The following ASPSCR1 variants were observed in gnomAD, a reference collection of about 807,000 sequenced individuals.
ASPSCR1 encodes the protein ASPSCR1 tether for SLC2A4, UBX domain containing.
In ASPSCR1, 55 loss-of-function variants were observed where a neutral mutation model predicts 68.9. That is an observed-to-expected ratio of 0.80 (90% CI 0.64 to 1.00). ASPSCR1 has a LOEUF of 1.00. Among genes scored for constraint, ASPSCR1 ranks in the 50% least tolerant of loss-of-function variants. ASPSCR1 has a pLI of 0.00. For missense variants in ASPSCR1, 765 were observed against 762.2 expected (o/e 1.00, Z -0.04); for synonymous variants, 352 against 332.6 (o/e 1.06, Z -0.63).
chr17:82,003,182 G>A (rs1004248948), intron 7 of ASPSCR1, among the ~76,000 whole-genome samples: 5 of 152,224 alleles, frequency 3.3e-5, no homozygotes, highest in African/African-American at 4.8e-5. Flanking sequence ...ACAGTGGCTC[G>A]CACCTATAAT....
rs199809269 is a variant in ASPSCR1 at position 81,996,388 on chromosome 17, A to T, written c.507-32A>T. The stretch of plus-strand genomic sequence containing the variant: ...GGGTGAGCCGGGGGTAGGCACCACA[A>T]GGTGCTTCCCTTGTCCTCTGGCCCC... On this transcript the variant is annotated intron_variant, in intron 6 of 15. Coordinates refer to ENST00000306739, the MANE Select transcript of ASPSCR1 (RefSeq NM_024083.4). 642 of 1,545,818 alleles carry T rather than the reference A, an allele frequency of 4.2e-4. 3 individuals are homozygous for T. In the African/African-American group the frequency reaches 7.9e-3, roughly 19 times the overall value.
intron 8 of ASPSCR1, 28 bp downstream of exon 8, chr17:82,009,219 A>G: frequency 1.3e-6 from 2 of 1,575,384 alleles, no homozygotes; most frequent in Non-Finnish European, 1.7e-6. Flanking sequence ...GCCTCCCGGC[A>G]TCTTCGCGCC....
intron 2 of ASPSCR1, among the ~76,000 whole-genome samples, chr17:81,981,213 GGCT>G (rs2041785003): frequency 6.6e-6 from 1 of 152,040 alleles, no homozygotes; most frequent in African/African-American, 2.4e-5. Flanking sequence ...CTTTGGAAAG[GGCT>G]GCTTTCTGTT....
At position 81,985,541 on chromosome 17, in the gene ASPSCR1, G is replaced by A; in HGVS notation, c.308G>A (p.Arg103Lys). 6.2e-7 allele frequency: 1 copy of A among 1,614,084 alleles called. No individual in the cohort carries two copies. Among genetic ancestry groups the A allele is most frequent in the Admixed American group, 1.7e-5 (1 of 60,030 alleles). Residue 103 changes from arginine (R) to lysine (K), a missense_variant, in exon 4 of 16, where the codon AGG (arginine) becomes AAG (lysine). By Grantham distance (26) the Arg-to-Lys change is conservative. Coordinates refer to ENST00000306739, the MANE Select transcript of ASPSCR1 (RefSeq NM_024083.4). ...GCTTTGCAGCTGGACGATGGCTCGA[G>A]GTTGCAGGACTCTTTCTGTTCAGGC... ...RIALQLDDGS[R>K]LQDSFCSGQT...
chr17:81,992,281 T>C (rs2042195012), intron 4 of ASPSCR1, among the ~76,000 whole-genome samples: 1 of 152,058 alleles, frequency 6.6e-6, no homozygotes, highest in Non-Finnish European at 1.5e-5. Context: ...GGCGCTGGAA[T>C]TTCCCCCGGG....
Position 81,996,040 on chromosome 17 carries a change from C to G in ASPSCR1, c.481C>G (p.Leu161Val). The G allele has an allele frequency of 3.1e-6, 5 of 1,610,198 alleles. No individual in the cohort carries two copies. In the South Asian group the frequency reaches 4.4e-5, roughly 14 times the overall value. ...LRGTTLQSLG[L>V]TGGSATIRFV... is the part of the protein sequence containing the mutation. ...GGGCACGACGCTGCAGTCGCTGGGCCTGACCGGGGGCAGCGCCACCATCAG... is the reference window on the plus strand; with the variant it reads ...GGGCACGACGCTGCAGTCGCTGGGCGTGACCGGGGGCAGCGCCACCATCAG... The change falls in exon 6 of 16, where the codon CTG (leucine) becomes GTG (valine). Residue 161 changes from leucine (L) to valine (V), a missense_variant. By Grantham distance (32) the Leu-to-Val change is conservative. Coordinates refer to ENST00000306739, the MANE Select transcript of ASPSCR1 (RefSeq NM_024083.4).
In ASPSCR1 at chr17:81,977,774, G is replaced by A. The variant is rs756237541; in HGVS notation, c.102+26G>A. 5 of 1,213,346 alleles carry A rather than the reference G, an allele frequency of 4.1e-6. No homozygotes were observed. The African/African-American group carries it at 6.3e-5, about 15-fold the overall frequency. The allele number at this position is 1,213,346 out of a possible 1,614,324, so 75.2% of individuals were successfully genotyped here. A position where few individuals can be genotyped will look rare whatever the true frequency, so the allele number is the denominator to read the frequency against. On this transcript the variant is annotated intron_variant, in intron 1 of 15. Transcript: ENST00000306739. This position sits in a 1 kb window ranked among gnomAD's most constrained non-coding sequence, Gnocchi z 5.0. ...GTGCGGCCGCCCGCCCGGGGCGGAC[G>A]GGTAGGCGGGCGGGGGGCGCTGCGC...
rs752297999 is a variant in ASPSCR1 at position 82,016,523 on chromosome 17, G to A, written c.1401G>A (p.Pro467=). ...TGGTGCACTTGGGAGCCGAGGAGCC[G>A]GCAGGTGAGTGTCAGTGGTTGGGGC... ...AALVHLGAEE[P]AGVYLEPGLL... The change falls in exon 13 of 16, where the codon CCG becomes CCA. Residue 467 remains proline, a synonymous_variant. Coordinates refer to ENST00000306739, the MANE Select transcript of ASPSCR1 (RefSeq NM_024083.4). 6.5e-6 allele frequency: 10 copies of A among 1,549,140 alleles called. No individual in the cohort carries two copies. Among genetic ancestry groups the A allele is most frequent in the South Asian group, 1.2e-5 (1 of 84,046 alleles).
rs1198378041 is a variant in ASPSCR1 at position 81,977,863 on chromosome 17, G to A, written c.102+115G>A. The A allele has an allele frequency of 1.5e-5, 11 of 735,966 alleles. No homozygotes were observed. The highest frequency in any genetic ancestry group is 1.8e-6 in the Non-Finnish European group (1 of 551,112). 45.6% of individuals were successfully genotyped at this position (735,966 alleles called of 1,614,324 possible). A position where few individuals can be genotyped will look rare whatever the true frequency, so the allele number is the denominator to read the frequency against. Reference sequence around the variant, plus strand: ...GGGGCGGGGCCTCGGCGGCCAATGAGCGGCCTCCTGAGCGGCGGCCCCGCC... The same window carrying A: ...GGGGCGGGGCCTCGGCGGCCAATGAACGGCCTCCTGAGCGGCGGCCCCGCC... On this transcript the variant is annotated intron_variant, in intron 1 of 15. Transcript: ENST00000306739. This position sits in a 1 kb window ranked among gnomAD's most constrained non-coding sequence, Gnocchi z 5.0.
At chr17:81,991,442 G>C (rs1327639375) in intron 4 of ASPSCR1, among the ~76,000 whole-genome samples, 1 of 152,196 alleles carries the variant, frequency 6.6e-6, no homozygotes, top group South Asian at 2.1e-4. Context: ...GTAGGGATGG[G>C]CTGCTGGTGA....
In ASPSCR1 at chr17:82,011,534, C is replaced by T. The variant is rs370380394; in HGVS notation, c.1238-9C>T. ...AGAGCTGTCTGTATGTTCTTTTTCT[C>T]CTCTGCAGTGGGGGACTTGCGAGAC... On this transcript the variant is annotated splice_polypyrimidine_tract_variant and intron_variant, in intron 10 of 15. Transcript: ENST00000306739. 4.5e-5 allele frequency: 71 copies of T among 1,579,330 alleles called. No homozygotes were observed. The highest frequency in any genetic ancestry group is 4.3e-4 in the African/African-American group (31 of 71,994).
rs1008375666 is a variant in ASPSCR1, at chr17:81,983,482, G to T, written c.159-72G>T. 6.2e-6 allele frequency: 8 copies of T among 1,280,960 alleles called. No homozygotes were observed. Among genetic ancestry groups the T allele is most frequent in the Non-Finnish European group, 8.8e-6 (8 of 905,390 alleles). The allele number at this position is 1,280,960 out of a possible 1,614,324, so 79.3% of individuals were successfully genotyped here. ...GGCGGGGCGTGGATGGTGGGACGGG[G>T]ATGGCGGGGCGTGGATGGCAGGGCG... On this transcript the variant is annotated intron_variant, in intron 2 of 15. Coordinates refer to ENST00000306739, the MANE Select transcript of ASPSCR1 (RefSeq NM_024083.4). The surrounding 1 kb of genome is among the most constrained non-coding windows in gnomAD (Gnocchi z 4.4).
chr17:82,008,821 C>T, intron 7 of ASPSCR1: 2 of 538,522 alleles, frequency 3.7e-6, no homozygotes, highest in Admixed American at 7.9e-5. Context: ...GGGGGGTCTC[C>T]AGCCCTGGAC....
chr17:81,983,680 T>C lies in ASPSCR1; in HGVS notation c.273+12T>C. On this transcript the variant is annotated intron_variant, in intron 3 of 15. Coordinates refer to ENST00000306739, the MANE Select transcript of ASPSCR1 (RefSeq NM_024083.4). This position sits in a 1 kb window ranked among gnomAD's most constrained non-coding sequence, Gnocchi z 4.4. Reference sequence around the variant, plus strand: ...GGCCTGAGAACATGGTGGGTCGTGCTCTGGGGGAGGCTGACTGTGTGGGGC... The same window carrying C: ...GGCCTGAGAACATGGTGGGTCGTGCCCTGGGGGAGGCTGACTGTGTGGGGC... 3 of 1,597,262 alleles carry C rather than the reference T, an allele frequency of 1.9e-6. No homozygotes were observed. Among genetic ancestry groups the C allele is most frequent in the Non-Finnish European group, 2.6e-6 (3 of 1,169,126 alleles).
In ASPSCR1 at chr17:81,986,252, C is replaced by T. The variant is rs944122163; in HGVS notation, c.374+645C>T. ...TAGCCTCGGCAACATAGTGAAACCC[C>T]TTCTCTACAAAAAATAGAAATGTTA... is the stretch of plus-strand genomic sequence containing the variant. On this transcript the variant is annotated intron_variant, in intron 4 of 15. Coordinates refer to ENST00000306739, the MANE Select transcript of ASPSCR1 (RefSeq NM_024083.4). The surrounding 1 kb of genome is among the most constrained non-coding windows in gnomAD (Gnocchi z 5.2). 3.9e-5 allele frequency among the ~76,000 whole-genome samples: 6 copies of T among 152,036 alleles called. No homozygotes were observed. Among genetic ancestry groups the T allele is most frequent in the African/African-American group, 1.4e-4 (6 of 41,394 alleles).
intron 2 of ASPSCR1, among the ~76,000 whole-genome samples, chr17:81,981,891 C>G (rs1489112638): frequency 6.6e-6 from 1 of 152,198 alleles, no homozygotes; most frequent in Non-Finnish European, 1.5e-5. Context: ...GTCTCAAACT[C>G]CTGACCTCAA....
chr17:81,996,541 G>A lies in ASPSCR1; in HGVS notation c.628G>A (p.Gly210Ser), dbSNP rs772283247. The change falls in exon 7 of 16, where the codon GGC (glycine) becomes AGC (serine). Residue 210 changes from glycine to serine, a missense_variant. Physicochemically the swap from Gly to Ser is moderately conservative, Grantham distance 56. Coordinates refer to ENST00000306739, the MANE Select transcript of ASPSCR1 (RefSeq NM_024083.4). ...LPLESGELSR[G>S]DLSRPEDADT... is the part of the protein sequence containing the mutation. The stretch of plus-strand genomic sequence containing the variant: ...CTTGGAATCTGGGGAGCTCAGCCGC[G>A]GCGACTTGAGCCGTCCGGAGGACGC... 1.4e-5 allele frequency: 23 copies of A among 1,612,754 alleles called. 1 individual carries two copies. The South Asian group carries it at 1.6e-4, about 12-fold the overall frequency.
At chr17:82,004,186 C>G (rs1398077829) in intron 7 of ASPSCR1, among the ~76,000 whole-genome samples, 1 of 152,222 alleles carries the variant, frequency 6.6e-6, no homozygotes, top group Non-Finnish European at 1.5e-5. Context: ...CAGCCCCCAG[C>G]CTCCCTCCCC....
chr17:82,016,453 T>G (rs2043129674), intron 12 of ASPSCR1, 23 bp from the exon 13 acceptor site: 1 of 1,544,782 alleles, frequency 6.5e-7, no homozygotes. Context: ...ACCCGGCCCC[T>G]GAGCCCCCCG....
Sources: allele counts gnomAD v4.1 joint callset (sites outside exome capture counted in the v4.1 genomes callset), GRCh38; gene constraint gnomAD v4.1.1; non-coding constraint Gnocchi (gnomAD v3.1); transcripts MANE v1.5; gene names NCBI Gene and HGNC (gene_info 2026-07-23, HGNC 2026-07-21).